The following SLC35F1 variants were observed in gnomAD, a reference collection of about 807,000 sequenced individuals.
The protein encoded by SLC35F1 is chromosome 6 open reading frame 169.
A neutral mutation model predicts 48.7 loss-of-function variants in SLC35F1; 14 were observed. That is an observed-to-expected ratio of 0.29 (90% CI 0.19 to 0.45). The LOEUF is 0.45. SLC35F1 is among the 20% of genes least tolerant of loss of function. SLC35F1 has a pLI of 1.00. For missense variants in SLC35F1, 404 were observed against 500.0 expected (o/e 0.81, Z 1.83); for synonymous variants, 190 against 202.2 (o/e 0.94, Z 0.51).
At chr6:117,988,220 G>C (rs114994061) in intron 1 of SLC35F1, among the ~76,000 whole-genome samples, 1,938 of 152,216 alleles carry the variant, frequency 0.013, 53 homozygotes, top group African/African-American at 0.044. Flanking sequence ...ACTTGGTGTA[G>C]GTGTAAAGCA....
chr6:118,081,458 C>A (rs2114321265), intron 1 of SLC35F1, among the ~76,000 whole-genome samples: 1 of 151,640 alleles, frequency 6.6e-6, no homozygotes, highest in East Asian at 1.9e-4. Context: ...TGGTGAGACT[C>A]CATTGCTACA....
intron 1 of SLC35F1, among the ~76,000 whole-genome samples, chr6:117,976,313 AC>A (rs1562253102): frequency 6.6e-6 from 1 of 152,184 alleles, no homozygotes; most frequent in Non-Finnish European, 1.5e-5. Flanking sequence ...AACCGGAGAA[AC>A]CCTGGCTGAA....
intron 2 of SLC35F1, among the ~76,000 whole-genome samples, chr6:118,214,361 T>A (rs753655436): frequency 6.6e-6 from 1 of 152,190 alleles, no homozygotes; most frequent in Admixed American, 6.5e-5. Flanking sequence ...TTTCACTCTA[T>A]GAAAACATAA....
At chr6:118,308,624 G>T (rs1162762185) in intron 7 of SLC35F1, among the ~76,000 whole-genome samples, 1 of 152,070 alleles carries the variant, frequency 6.6e-6, no homozygotes, top group South Asian at 2.1e-4. Context: ...TAAAAATATG[G>T]GAAAGTTTAA....
intron 7 of SLC35F1, among the ~76,000 whole-genome samples, chr6:118,305,692 T>A (rs780332026): frequency 6.6e-6 from 1 of 152,190 alleles, no homozygotes; most frequent in Non-Finnish European, 1.5e-5. Flanking sequence ...TATTATATAA[T>A]GTTATCTTGT....
intron 1 of SLC35F1, among the ~76,000 whole-genome samples, chr6:117,993,081 G>C (rs1004340542): frequency 2.0e-5 from 3 of 152,188 alleles, no homozygotes; most frequent in South Asian, 2.1e-4. Context: ...GTCAGCCTCA[G>C]AAGTTTCAAC....
chr6:118,071,177 AC>A (rs1772717769), intron 1 of SLC35F1, among the ~76,000 whole-genome samples: 1 of 144,598 alleles, frequency 6.9e-6, no homozygotes, highest in Non-Finnish European at 1.5e-5. Flanking sequence ...GAATATATAT[AC>A]TATGTGTGTA....
intron 1 of SLC35F1, among the ~76,000 whole-genome samples, chr6:118,143,958 G>A (rs1773931926): frequency 6.6e-6 from 1 of 152,068 alleles, no homozygotes; most frequent in Non-Finnish European, 1.5e-5. Context: ...GATGGAAGAT[G>A]GCAAAGGCTC....
At chr6:118,116,887 G>A (rs969657990) in intron 1 of SLC35F1, among the ~76,000 whole-genome samples, 34 of 152,150 alleles carry the variant, frequency 2.2e-4, no homozygotes, top group African/African-American at 7.2e-4. Context: ...AGATCAAGCA[G>A]CCTCACCCTC....
chr6:118,015,519 C>G (rs1026641832), intron 1 of SLC35F1, among the ~76,000 whole-genome samples: 1 of 151,678 alleles, frequency 6.6e-6, no homozygotes, highest in African/African-American at 2.4e-5. Context: ...TCATTTAGCT[C>G]CCACAGAGAA....
At chr6:118,191,229 A>G (rs1228185360) in intron 2 of SLC35F1, among the ~76,000 whole-genome samples, 1 of 152,116 alleles carries the variant, frequency 6.6e-6, no homozygotes, top group Non-Finnish European at 1.5e-5. Context: ...CTGCATTGGG[A>G]CTTCTCTTTC....
chr6:118,236,026 C>T (rs748401875), intron 3 of SLC35F1, among the ~76,000 whole-genome samples: 12 of 152,116 alleles, frequency 7.9e-5, no homozygotes, highest in Non-Finnish European at 1.8e-4. Context: ...CAATTTTAAT[C>T]ACAACTTATA....
intron 2 of SLC35F1, among the ~76,000 whole-genome samples, chr6:118,194,789 G>T (rs141212977): frequency 6.6e-6 from 1 of 152,238 alleles, no homozygotes; most frequent in African/African-American, 2.4e-5. Flanking sequence ...TTGCCCTTTT[G>T]CTGGCATGTC....
At chr6:118,147,356 G>A (rs886825493) in intron 1 of SLC35F1, among the ~76,000 whole-genome samples, 4 of 152,100 alleles carry the variant, frequency 2.6e-5, no homozygotes, top group Admixed American at 6.5e-5. Flanking sequence ...CCTGGGCATC[G>A]GAAACAGGGG....
intron 1 of SLC35F1, among the ~76,000 whole-genome samples, chr6:117,934,345 T>C (rs1776138346): frequency 1.3e-5 from 2 of 152,186 alleles, no homozygotes; most frequent in South Asian, 4.1e-4. Flanking sequence ...AAGGTGTTTT[T>C]AGCTAGGACA....
chr6:118,279,314 A>G (rs1243263742), intron 6 of SLC35F1, among the ~76,000 whole-genome samples: 1 of 152,166 alleles, frequency 6.6e-6, no homozygotes, highest in Non-Finnish European at 1.5e-5. Context: ...AAATGGCCTC[A>G]AAGGGGAATC....
At chr6:118,285,913 C>T (rs754614601) in intron 7 of SLC35F1, among the ~76,000 whole-genome samples, 14 of 152,168 alleles carry the variant, frequency 9.2e-5, no homozygotes, top group Admixed American at 6.6e-4. Flanking sequence ...AAAGAAGAAA[C>T]TGTCCAGTCC....
chr6:118,308,456 C>T (rs192312833), intron 7 of SLC35F1, among the ~76,000 whole-genome samples: 9 of 152,246 alleles, frequency 5.9e-5, no homozygotes, highest in East Asian at 1.9e-4. Flanking sequence ...CTACTAGCTC[C>T]GAAACCCACA....
At chr6:118,100,449 A>G (rs769685954) in intron 1 of SLC35F1, among the ~76,000 whole-genome samples, 1 of 152,036 alleles carries the variant, frequency 6.6e-6, no homozygotes, top group East Asian at 1.9e-4. Context: ...GGCTCTATGG[A>G]CTCCCTTAGC....
Sources: gnomAD v4.1 joint callset for allele counts (sites outside exome capture counted in the v4.1 genomes callset) on GRCh38, gnomAD v4.1.1 for gene constraint, MANE v1.5 for transcripts, NCBI Gene and HGNC (gene_info 2026-07-23, HGNC 2026-07-21) for gene names.